The following IGF2BP2 variants were observed in gnomAD, a reference collection of about 807,000 sequenced individuals.
The protein encoded by IGF2BP2 is insulin like growth factor 2 mRNA binding protein 2.
IGF2BP2 carries 17 observed loss-of-function variants against 75.8 expected under a neutral mutation model. The observed-to-expected ratio is 0.22, with a 90% CI of 0.15 to 0.34. The LOEUF is 0.34. Among genes scored for constraint, IGF2BP2 ranks in the 10% least tolerant of loss-of-function variants. IGF2BP2 has a pLI of 1.00. For missense variants in IGF2BP2, 516 were observed against 772.4 expected, an observed-to-expected ratio of 0.67 and a Z score of 3.93; for synonymous variants, 288 against 295.6, an observed-to-expected ratio of 0.97 and a Z score of 0.26.
chr3:185,705,612 T>A (rs2073487045), intron 2 of IGF2BP2, among the ~76,000 whole-genome samples: 1 of 152,130 alleles, frequency 6.6e-6, no homozygotes, highest in African/African-American at 2.4e-5. Context: ...CTGTTTGGAC[T>A]ACTATAACAA....
At chr3:185,749,109 A>G (rs891005463) in intron 2 of IGF2BP2, among the ~76,000 whole-genome samples, 16 of 152,344 alleles carry the variant, frequency 1.1e-4, no homozygotes, top group African/African-American at 3.4e-4. Context: ...GGTTGCAGTG[A>G]GCCGAGATCA....
intron 2 of IGF2BP2, among the ~76,000 whole-genome samples, chr3:185,723,576 T>C (rs1726885940): frequency 6.6e-6 from 1 of 152,210 alleles, no homozygotes; most frequent in African/African-American, 2.4e-5. Context: ...AGACAGGAAC[T>C]AGCACAGGTG....
At chr3:185,677,068 T>TATATATATAGAGAGAGAGAGAG in intron 7 of IGF2BP2, among the ~76,000 whole-genome samples, 14 of 35,846 alleles carry the variant, frequency 3.9e-4, no homozygotes, top group Non-Finnish European at 5.1e-4. Context: ...TATATATATA[T>TATATATATAGAGAGAGAGAGAG]AGAGAGAGAG....
rs755146511 is a variant in IGF2BP2 at position 185,647,190 on chromosome 3, T to C, written c.1594-52A>G. ...TGGATAGGTTCCCTCCCCGTCAACG[T>C]GGTGGGCTCAGGACGGAGTGAGGGG... On this transcript the variant is annotated intron_variant, in intron 14 of 15. Transcript: ENST00000382199. The surrounding 1 kb of genome is among the most constrained non-coding windows in gnomAD (Gnocchi z 4.9). The C allele has an allele frequency of 5.3e-6, 7 of 1,322,806 alleles. No homozygotes were observed. Among genetic ancestry groups the C allele is most frequent in the South Asian group, 4.7e-5 (4 of 85,142 alleles). The allele number at this position is 1,322,806 out of a possible 1,614,324, so 81.9% of individuals were successfully genotyped here.
In IGF2BP2 at chr3:185,645,826, C is replaced by T. The variant is rs1378976796; in HGVS notation, c.1708-203G>A. ...AGAGGTCCCCCCTCCACTCCCACCC[C>T]AAGGTCCAGGGTAAGGGGATGGGAC... On this transcript the variant is annotated intron_variant, in intron 15 of 15. Coordinates refer to ENST00000382199, the MANE Select transcript of IGF2BP2 (RefSeq NM_006548.6). The surrounding 1 kb of genome is among the most constrained non-coding windows in gnomAD (Gnocchi z 4.9). Among the ~76,000 whole-genome samples, 6 of 152,090 alleles carry T rather than the reference C, an allele frequency of 3.9e-5. No homozygotes were observed.
At chr3:185,788,684 T>C (rs892114522) in intron 2 of IGF2BP2, among the ~76,000 whole-genome samples, 1 of 151,522 alleles carries the variant, frequency 6.6e-6, no homozygotes. Context: ...AGTCTACTGG[T>C]TGTAAAGTCC....
chr3:185,672,782 GC>G, intron 9 of IGF2BP2, 113 bp from the exon 10 acceptor site: 2 of 1,191,330 alleles, frequency 1.7e-6, no homozygotes, highest in East Asian at 2.5e-5. Context: ...AATCAGCTCT[GC>G]CCAGGCTCTT....
intron 2 of IGF2BP2, among the ~76,000 whole-genome samples, chr3:185,739,715 C>T (rs1018645680): frequency 2.0e-5 from 3 of 152,160 alleles, no homozygotes; most frequent in African/African-American, 7.2e-5. Flanking sequence ...CAGATCTCGG[C>T]GGAGGTTCCA....
At chr3:185,803,426 CA>C (rs1249181564) in intron 2 of IGF2BP2, among the ~76,000 whole-genome samples, 41 of 152,228 alleles carry the variant, frequency 2.7e-4, no homozygotes, top group African/African-American at 9.4e-4. Flanking sequence ...AAATATTTCC[CA>C]AATAAAAGTA....
chr3:185,746,844 A>G (rs531012325), intron 2 of IGF2BP2, among the ~76,000 whole-genome samples: 1 of 152,348 alleles, frequency 6.6e-6, no homozygotes, highest in South Asian at 2.1e-4. Context: ...GCAGGACCAG[A>G]AAAAGATCTC....
chr3:185,808,363 G>A (rs896431152), intron 2 of IGF2BP2, among the ~76,000 whole-genome samples: 36 of 151,624 alleles, frequency 2.4e-4, no homozygotes, highest in Non-Finnish European at 3.8e-4. Flanking sequence ...ACCTGCAATC[G>A]CAGCTACCAG....
chr3:185,784,139 G>A (rs1735561350), intron 2 of IGF2BP2, among the ~76,000 whole-genome samples: 1 of 152,138 alleles, frequency 6.6e-6, no homozygotes, highest in African/African-American at 2.4e-5. Flanking sequence ...GGAGGCTGAG[G>A]CAGAAGAATT....
In IGF2BP2 at chr3:185,645,102, A is replaced by G. The variant is rs1273332555; in HGVS notation, c.*429T>C. Reference sequence around the variant, plus strand: ...GCACCCTGTGTAACCCACAGGCCACATATCTTAACATCTTCCCTTTCTAAT... The same window carrying G: ...GCACCCTGTGTAACCCACAGGCCACGTATCTTAACATCTTCCCTTTCTAAT... On this transcript the variant is annotated 3_prime_UTR_variant, in exon 16 of 16. Transcript: ENST00000382199. The surrounding 1 kb of genome is among the most constrained non-coding windows in gnomAD (Gnocchi z 4.9). 6 of 160,292 alleles carry G rather than the reference A, an allele frequency of 3.7e-5. No homozygotes were observed. The highest frequency in any genetic ancestry group is 1.8e-4 in the East Asian group (1 of 5,586). The allele number at this position is 160,292 out of a possible 1,614,324, so 9.9% of individuals were successfully genotyped here. A position where few individuals can be genotyped will look rare whatever the true frequency, so the allele number is the denominator to read the frequency against.
intron 10 of IGF2BP2, among the ~76,000 whole-genome samples, chr3:185,666,003 TAGATAGATAGA>T (rs1476893795): frequency 4.6e-4 from 8 of 17,394 alleles, no homozygotes; most frequent in Non-Finnish European, 3.2e-4. Flanking sequence ...GATAGGTACA[TAGATAGATAGA>T]TAGATAGATA....
chr3:185,725,209 A>C (rs1025416667), intron 2 of IGF2BP2: 4 of 152,212 alleles, frequency 2.6e-5, no homozygotes, highest in African/African-American at 9.6e-5. Flanking sequence ...GAGTCTGATA[A>C]TATGGTGGTT....
intron 13 of IGF2BP2, among the ~76,000 whole-genome samples, chr3:185,650,895 C>T (rs899346544): frequency 2.6e-5 from 4 of 152,236 alleles, no homozygotes; most frequent in South Asian, 4.2e-4. Flanking sequence ...TTCATATGAA[C>T]GAAATCACTT....
At chr3:185,702,327 AAGG>A (rs1723415737) in intron 2 of IGF2BP2, among the ~76,000 whole-genome samples, 3 of 152,078 alleles carry the variant, frequency 2.0e-5, no homozygotes, top group African/African-American at 7.2e-5. Flanking sequence ...CAGGAGAGGG[AAGG>A]AGGTGTTCGT....
intron 2 of IGF2BP2, among the ~76,000 whole-genome samples, chr3:185,772,176 G>A (rs1733963615): frequency 6.6e-6 from 1 of 152,122 alleles, no homozygotes; most frequent in African/African-American, 2.4e-5. Context: ...TTTGTTCACT[G>A]TTCTAGCTCA....
intron 2 of IGF2BP2, among the ~76,000 whole-genome samples, chr3:185,730,384 T>C (rs575175548): frequency 1.3e-5 from 2 of 152,158 alleles, no homozygotes; most frequent in Admixed American, 1.3e-4. Context: ...TCCACGACTT[T>C]GCTATGGTGA....
Sources: allele counts gnomAD v4.1 joint callset (sites outside exome capture counted in the v4.1 genomes callset), GRCh38; gene constraint gnomAD v4.1.1; non-coding constraint Gnocchi (gnomAD v3.1); transcripts MANE v1.5; gene names NCBI Gene and HGNC (gene_info 2026-07-23, HGNC 2026-07-21).